Variants in COG5 observed in about 807,000 individuals in gnomAD.
COG5 encodes component of oligomeric golgi complex 5, also known as conserved oligomeric Golgi complex subunit 5.
In COG5, 86 loss-of-function variants were observed where a neutral mutation model predicts 110.4. That is an observed-to-expected ratio of 0.78 (90% CI 0.65 to 0.93). COG5 has a LOEUF of 0.93. COG5 is among the 40% of genes least tolerant of loss of function. The pLI is 0.00. For synonymous variants in COG5, 360 were observed against 334.6 expected (o/e 1.08, Z -0.83); for missense variants, 1,077 against 987.0 (o/e 1.09, Z -1.22).
chr7:107,209,082 G>A (rs1798975636), intron 21 of COG5: 1 of 985,054 alleles, frequency 1.0e-6, no homozygotes, highest in Admixed American at 6.1e-5. Context: ...ATGTGGTTTA[G>A]AACCACCTCA....
intron 10 of COG5, among the ~76,000 whole-genome samples, chr7:107,328,768 A>C (rs1057336207): frequency 1.3e-5 from 2 of 152,126 alleles, no homozygotes; most frequent in African/African-American, 4.8e-5. Flanking sequence ...ATTTTTAAGG[A>C]AACTTTTTGG....
chr7:107,558,529 G>A (rs576059517), intron 1 of COG5, among the ~76,000 whole-genome samples: 11 of 151,900 alleles, frequency 7.2e-5, no homozygotes, highest in Non-Finnish European at 1.6e-4. Context: ...GCTTGAACCC[G>A]GGAGGCACAG....
intron 7 of COG5, among the ~76,000 whole-genome samples, chr7:107,390,034 T>C (rs1246848604): frequency 6.6e-6 from 1 of 152,220 alleles, no homozygotes; most frequent in Non-Finnish European, 1.5e-5. Context: ...GTTCAACTCA[T>C]GTATCACTAA....
intron 5 of COG5, among the ~76,000 whole-genome samples, chr7:107,547,771 A>G (rs1373738696): frequency 1.3e-5 from 2 of 151,148 alleles, no homozygotes; most frequent in African/African-American, 4.9e-5. Flanking sequence ...AAACAATCCC[A>G]TTTCCCATTT....
intron 6 of COG5, among the ~76,000 whole-genome samples, chr7:107,436,248 C>T (rs560847729): frequency 6.6e-6 from 1 of 152,278 alleles, no homozygotes; most frequent in East Asian, 1.9e-4. Flanking sequence ...GTGGTATATA[C>T]ATACAGCGAA....
chr7:107,400,423 A>G (rs1376567486), intron 7 of COG5, among the ~76,000 whole-genome samples: 19 of 152,168 alleles, frequency 1.2e-4, no homozygotes, highest in Admixed American at 1.2e-3. Flanking sequence ...TACTACTATA[A>G]TAACACTCCA....
intron 10 of COG5, among the ~76,000 whole-genome samples, chr7:107,330,872 G>C (rs1442353693): frequency 2.7e-5 from 4 of 150,286 alleles, no homozygotes; most frequent in Non-Finnish European, 4.4e-5. Flanking sequence ...GCCCAGGCTG[G>C]AGTGCAGTGG....
At chr7:107,511,985 CA>C (rs1389608769) in intron 6 of COG5, among the ~76,000 whole-genome samples, 1 of 152,142 alleles carries the variant, frequency 6.6e-6, no homozygotes, top group African/African-American at 2.4e-5. Context: ...AAAGCTGGCA[CA>C]AGACAGGGAT....
At chr7:107,473,190 T>C (rs1796743120) in intron 6 of COG5, among the ~76,000 whole-genome samples, 1 of 151,928 alleles carries the variant, frequency 6.6e-6, no homozygotes, top group Admixed American at 6.6e-5. Flanking sequence ...TCAACTGATA[T>C]ATTCCTTTAA....
At chr7:107,209,174 C>T in intron 21 of COG5, 2 of 985,430 alleles carry the variant, frequency 2.0e-6, no homozygotes, top group Non-Finnish European at 2.4e-6. Flanking sequence ...GTGCAGTGGG[C>T]CCAGACCAAC....
rs918230254 is a variant in COG5 at position 107,297,157 on chromosome 7, T to G, written c.1313+985A>C. Among the ~76,000 whole-genome samples the G allele has an allele frequency of 2.0e-5, 3 of 152,202 alleles. 1 individual carries two copies. The highest frequency in any genetic ancestry group is 7.2e-5 in the African/African-American group (3 of 41,438). ...GTTGGACCTCCATTTCTGCAAATTC[T>G]ACATCCAAGGATTAAACCAACCATG... On this transcript the variant is annotated intron_variant, in intron 12 of 21. Transcript: ENST00000297135.
intron 19 of COG5, among the ~76,000 whole-genome samples, chr7:107,212,537 A>G (rs1293303686): frequency 3.9e-5 from 6 of 152,258 alleles, no homozygotes; most frequent in African/African-American, 1.4e-4. Context: ...TGTATGGATG[A>G]CATTGTCTTC....
chr7:107,497,027 T>C (rs996052449), intron 6 of COG5, among the ~76,000 whole-genome samples: 4 of 151,904 alleles, frequency 2.6e-5, no homozygotes, highest in Admixed American at 6.6e-5. Context: ...CTGGACAACA[T>C]AGCGAGACTC....
rs148894594 is a variant in COG5, at chr7:107,257,348, C to T, written c.1687-554G>A. Among the ~76,000 whole-genome samples, 952 of 151,704 alleles carry T rather than the reference C, an allele frequency of 6.3e-3. 6 individuals carry two copies. The highest frequency in any genetic ancestry group is 0.041 in the Middle Eastern group (12 of 292). ...TTTAGTGTTTTTTAATAATTTTTAC[C>T]CTTCTGAGATTTACCTGTTAATAAC... On this transcript the variant is annotated intron_variant, in intron 15 of 21. Coordinates refer to ENST00000297135, the MANE Select transcript of COG5 (RefSeq NM_006348.5).
chr7:107,481,005 A>G (rs2129119996), intron 6 of COG5: 1 of 152,284 alleles, frequency 6.6e-6, no homozygotes, highest in East Asian at 1.9e-4. Context: ...AGCTGTATCC[A>G]TGGCTTTCAA....
At chr7:107,229,677 G>C (rs937303524) in intron 19 of COG5, among the ~76,000 whole-genome samples, 2 of 151,968 alleles carry the variant, frequency 1.3e-5, no homozygotes, top group African/African-American at 4.8e-5. Context: ...CTGGTATTCT[G>C]TTAGATCATG....
intron 12 of COG5, among the ~76,000 whole-genome samples, chr7:107,290,470 TAAGAG>T (rs1176704569): frequency 3.9e-5 from 6 of 152,234 alleles, no homozygotes; most frequent in African/African-American, 7.2e-5. Context: ...TTAGGTCAGT[TAAGAG>T]AAGAAGAAAA....
At chr7:107,354,722 T>C (rs1048559391) in intron 10 of COG5, among the ~76,000 whole-genome samples, 2 of 152,184 alleles carry the variant, frequency 1.3e-5, no homozygotes, top group African/African-American at 2.4e-5. Flanking sequence ...ATAATTATGA[T>C]AGCAAATTGT....
rs1375475671 is a variant in COG5 at position 107,230,684 on chromosome 7, A to C, written c.2099T>G (p.Leu700Trp). The C allele has an allele frequency of 2.5e-6, 4 of 1,609,422 alleles. No individual in the cohort carries two copies. Among genetic ancestry groups the C allele is most frequent in the South Asian group, 2.2e-5 (2 of 91,002 alleles). Residue 700 changes from leucine (L) to tryptophan (W), a missense_variant, in exon 19 of 22, where the codon TTG becomes TGG. Physicochemically the swap from Leu to Trp is moderately conservative, Grantham distance 61 (BLOSUM62 -2). Transcript: ENST00000297135. The stretch of plus-strand genomic sequence containing the variant: ...TCGTCTACAGAATGGACCCACAGCC[A>C]ACTCCATCTGAAATATTAAAATATA... ...RLAADFAQME[L>W]AVGPFCRRVS...
Sources: allele counts gnomAD v4.1 joint callset (sites outside exome capture counted in the v4.1 genomes callset), GRCh38; gene constraint gnomAD v4.1.1; transcripts MANE v1.5; gene names NCBI Gene and HGNC (gene_info 2026-07-23, HGNC 2026-07-21).